FSTL5: variants seen among roughly 807,000 people sequenced by gnomAD.
The protein encoded by FSTL5 is follistatin like 5, also known as follistatin-related protein 5.
FSTL5 carries 62 observed loss-of-function variants against 89.1 expected under a neutral mutation model. That is an observed-to-expected ratio of 0.70 (90% CI 0.57 to 0.86). FSTL5 has a LOEUF of 0.86. Among genes scored for constraint, FSTL5 ranks in the 40% least tolerant of loss-of-function variants. The pLI is 0.00. For synonymous variants in FSTL5, 383 were observed against 346.2 expected (o/e 1.11, Z -1.18); for missense variants, 1,057 against 1,001.6 (o/e 1.06, Z -0.75).
In FSTL5 at chr4:161,586,068, T is replaced by C. The variant is rs553919338; in HGVS notation, c.1015+1387A>G. Reference sequence around the variant, plus strand: ...CAGATTACCCAATATTTTCAAACTTTTTGGCACATGTTATTAATTGATTTC... The same window carrying C: ...CAGATTACCCAATATTTTCAAACTTCTTGGCACATGTTATTAATTGATTTC... On this transcript the variant is annotated intron_variant, in intron 8 of 15. Transcript: ENST00000306100. Among the ~76,000 whole-genome samples, 7 of 152,262 alleles carry C rather than the reference T, an allele frequency of 4.6e-5. No homozygotes were observed. The East Asian group carries it at 1.4e-3, about 29-fold the overall frequency.
intron 15 of FSTL5, among the ~76,000 whole-genome samples, chr4:161,404,139 T>C (rs1443148151): frequency 6.6e-6 from 1 of 152,182 alleles, no homozygotes; most frequent in Admixed American, 6.5e-5. Context: ...TGCAAGGTGC[T>C]TGCCTCTGTT....
At chr4:161,722,579 T>C (rs781560722) in intron 6 of FSTL5, among the ~76,000 whole-genome samples, 6 of 152,192 alleles carry the variant, frequency 3.9e-5, no homozygotes, top group Non-Finnish European at 8.8e-5. Context: ...TGTATGTAAA[T>C]TGCAATGATG....
chr4:161,421,466 A>G (rs1026654640), intron 15 of FSTL5, among the ~76,000 whole-genome samples: 17 of 152,182 alleles, frequency 1.1e-4, no homozygotes. Flanking sequence ...TAGTTGTATC[A>G]GGTGAGCTGG....
Position 161,408,277 on chromosome 4 carries a change from C to A in FSTL5, c.1842-21828G>T, listed in dbSNP as rs192021148. On this transcript the variant is annotated intron_variant, in intron 15 of 15. Coordinates refer to ENST00000306100, the MANE Select transcript of FSTL5 (RefSeq NM_020116.5). ...TCTACTGCCCGTTGCTCTCAATCAG[C>A]ATTTATTGGATCACAGCCTAAACTT... Among the ~76,000 whole-genome samples the A allele has an allele frequency of 2.9e-3, 449 of 152,276 alleles. 1 individual carries two copies. Among genetic ancestry groups the A allele is most frequent in the Non-Finnish European group, 3.4e-3 (230 of 68,028 alleles).
intron 3 of FSTL5, among the ~76,000 whole-genome samples, chr4:161,980,291 GAA>G: frequency 7.0e-6 from 1 of 142,756 alleles, no homozygotes; most frequent in East Asian, 2.1e-4. Flanking sequence ...GAAAGAAAGA[GAA>G]AGAAAGAAAG....
At chr4:162,126,289 C>G (rs972991642) in intron 1 of FSTL5, among the ~76,000 whole-genome samples, 2 of 152,000 alleles carry the variant, frequency 1.3e-5, no homozygotes, top group Middle Eastern at 6.8e-3. Context: ...TTTTGACTAG[C>G]CCTTAATATT....
At chr4:161,707,574 C>A (rs998069584) in intron 6 of FSTL5, among the ~76,000 whole-genome samples, 2 of 151,786 alleles carry the variant, frequency 1.3e-5, no homozygotes, top group Non-Finnish European at 2.9e-5. Context: ...AAAATGAAGG[C>A]ATTTAACATG....
At chr4:162,163,171 G>C (rs1196907362) in intron 1 of FSTL5, among the ~76,000 whole-genome samples, 1 of 152,052 alleles carries the variant, frequency 6.6e-6, no homozygotes, top group African/African-American at 2.4e-5. Flanking sequence ...TAATATTGAT[G>C]ATTAACCAGA....
intron 3 of FSTL5, among the ~76,000 whole-genome samples, chr4:162,025,658 C>G (rs1560976918): frequency 6.6e-6 from 1 of 151,944 alleles, no homozygotes. Context: ...GATATTATTA[C>G]TTATTGTCTA....
chr4:161,431,290 A>C (rs1191171381), intron 15 of FSTL5, among the ~76,000 whole-genome samples: 3 of 152,148 alleles, frequency 2.0e-5, no homozygotes, highest in African/African-American at 7.2e-5. Flanking sequence ...AACAACAAAA[A>C]GTTTTTTAAA....
intron 6 of FSTL5, among the ~76,000 whole-genome samples, chr4:161,668,241 T>C (rs916414008): frequency 1.3e-5 from 2 of 152,144 alleles, no homozygotes; most frequent in Non-Finnish European, 2.9e-5. Context: ...ACACAAAAAA[T>C]TCTGTGCCCA....
At chr4:161,864,394 G>A (rs1362729752) in intron 4 of FSTL5, among the ~76,000 whole-genome samples, 1 of 151,958 alleles carries the variant, frequency 6.6e-6, no homozygotes, top group African/African-American at 2.4e-5. Flanking sequence ...TGTACAATAG[G>A]GATATTATGA....
At chr4:162,153,686 TA>T (rs1183906002) in intron 1 of FSTL5, among the ~76,000 whole-genome samples, 2 of 130,470 alleles carry the variant, frequency 1.5e-5, no homozygotes, top group African/African-American at 5.6e-5. Flanking sequence ...TATATGTATA[TA>T]ATAATATATA....
chr4:161,813,005 G>A (rs1319457455), intron 4 of FSTL5, among the ~76,000 whole-genome samples: 2 of 150,680 alleles, frequency 1.3e-5, no homozygotes, highest in African/African-American at 4.9e-5. Flanking sequence ...TTAAGGGAAT[G>A]GGAACATGAG....
chr4:161,409,616 G>A (rs1463588631), intron 15 of FSTL5, among the ~76,000 whole-genome samples: 1 of 152,074 alleles, frequency 6.6e-6, no homozygotes, highest in Non-Finnish European at 1.5e-5. Flanking sequence ...TCATCACCTC[G>A]TGATCCACCT....
At chr4:162,008,817 T>C (rs927625568) in intron 3 of FSTL5, among the ~76,000 whole-genome samples, 14 of 151,934 alleles carry the variant, frequency 9.2e-5, no homozygotes, top group African/African-American at 3.4e-4. Flanking sequence ...ATTTACATAG[T>C]ACTCCTCTAG....
At chr4:161,714,892 C>T (rs1222853149) in intron 6 of FSTL5, among the ~76,000 whole-genome samples, 1 of 152,072 alleles carries the variant, frequency 6.6e-6, no homozygotes, top group Non-Finnish European at 1.5e-5. Flanking sequence ...GAAAAGTAAG[C>T]ATTTCAGTAT....
At position 161,636,569 on chromosome 4, in the gene FSTL5, G is replaced by T. The variant is rs148799775; in HGVS notation, c.894+19759C>A. On this transcript the variant is annotated intron_variant, in intron 7 of 15. Coordinates refer to ENST00000306100, the MANE Select transcript of FSTL5 (RefSeq NM_020116.5). ...GCTGGTGCGCTGCACGCACTAACTCGTCATCTAGCATTAGGTATATCTCCC... is the reference window on the plus strand; with the variant it reads ...GCTGGTGCGCTGCACGCACTAACTCTTCATCTAGCATTAGGTATATCTCCC... 2.4e-3 allele frequency among the ~76,000 whole-genome samples: 359 copies of T among 147,710 alleles called. 3 individuals are homozygous for T. Among genetic ancestry groups the T allele is most frequent in the African/African-American group, 8.8e-3 (352 of 39,808 alleles).
intron 4 of FSTL5, among the ~76,000 whole-genome samples, chr4:161,887,245 T>C (rs1477978182): frequency 6.6e-6 from 1 of 152,114 alleles, no homozygotes; most frequent in Non-Finnish European, 1.5e-5. Context: ...AAAATAACAA[T>C]AGCAGACACA....
Sources: allele counts gnomAD v4.1 joint callset (sites outside exome capture counted in the v4.1 genomes callset), GRCh38; gene constraint gnomAD v4.1.1; transcripts MANE v1.5; gene names NCBI Gene and HGNC (gene_info 2026-07-23, HGNC 2026-07-21).